The following SPSB1 variants were observed in gnomAD, a reference collection of about 807,000 sequenced individuals.
SPSB1 encodes the protein splA/ryanodine receptor domain and SOCS box containing 1.
SPSB1 carries 8 observed loss-of-function variants against 21.2 expected under a neutral mutation model. That is an observed-to-expected ratio of 0.38 (90% confidence interval 0.22 to 0.68). The LOEUF is 0.68. SPSB1 is among the 30% of genes least tolerant of loss of function. SPSB1 has a pLI of 0.53. For synonymous variants in SPSB1, 169 were observed against 161.7 expected, an observed-to-expected ratio of 1.05 and a Z score of -0.34; for missense variants, 242 against 377.8, an observed-to-expected ratio of 0.64 and a Z score of 2.98.
At chr1:9,329,883 C>T (rs1191302363) in intron 1 of SPSB1, among the ~76,000 whole-genome samples, 2 of 152,096 alleles carry the variant, frequency 1.3e-5, no homozygotes, top group Non-Finnish European at 2.9e-5. Flanking sequence ...CTTCTCAAAA[C>T]TTGGATACTA....
chr1:9,331,834 CT>C (rs1293092837), intron 1 of SPSB1, among the ~76,000 whole-genome samples: 1 of 152,182 alleles, frequency 6.6e-6, no homozygotes, highest in Admixed American at 6.6e-5. Context: ...TACTGCTTTT[CT>C]TTTATGTCCT....
At chr1:9,315,658 G>A (rs1420894728) in intron 1 of SPSB1, among the ~76,000 whole-genome samples, 3 of 152,240 alleles carry the variant, frequency 2.0e-5, no homozygotes, top group African/African-American at 4.8e-5. Context: ...GTGGGATGCA[G>A]CCTGGTTTCG....
rs1343227453 is a variant in SPSB1 at position 9,363,297 on chromosome 1, T to C, written c.695-4151T>C. Among the ~76,000 whole-genome samples, 1 of 152,134 alleles carries C rather than the reference T, an allele frequency of 6.6e-6. No individual in the cohort carries two copies. Among genetic ancestry groups the C allele is most frequent in the East Asian group, 1.9e-4 (1 of 5,198 alleles). ...CATTCACAGGATGCCTGGGTGACTC[T>C]GGTCCTATTTTCAGCTCATAACACA... On this transcript the variant is annotated intron_variant, in intron 2 of 2. Coordinates refer to ENST00000328089, the MANE Select transcript of SPSB1 (RefSeq NM_025106.4). This position sits in a 1 kb window ranked among gnomAD's most constrained non-coding sequence, Gnocchi z 4.5.
In SPSB1 at chr1:9,324,381, G is replaced by A; in HGVS notation, c.-150+31310G>A. ...AGTTCTGCTGCGATCCTGTGGCTCA[G>A]CACGTGGTAGGTCCTCAGTGAGGCT... is the stretch of plus-strand genomic sequence containing the variant. On this transcript the variant is annotated intron_variant, in intron 1 of 2. Coordinates refer to ENST00000328089, the MANE Select transcript of SPSB1 (RefSeq NM_025106.4). The surrounding 1 kb of genome is among the most constrained non-coding windows in gnomAD (Gnocchi z 4.3). 6.6e-6 allele frequency among the ~76,000 whole-genome samples: 1 copy of A among 152,172 alleles called. No individual in the cohort carries two copies. Among genetic ancestry groups the A allele is most frequent in the Non-Finnish European group, 1.5e-5 (1 of 68,026 alleles).
In SPSB1 at chr1:9,356,930, G is replaced by T. The variant is rs1479025523; in HGVS notation, c.694+345G>T. 6.6e-6 allele frequency among the ~76,000 whole-genome samples: 1 copy of T among 151,388 alleles called. No individual in the cohort carries two copies. Among genetic ancestry groups the T allele is most frequent in the East Asian group, 1.9e-4 (1 of 5,192 alleles). On this transcript the variant is annotated intron_variant, in intron 2 of 2. Transcript: ENST00000328089. This position sits in a 1 kb window ranked among gnomAD's most constrained non-coding sequence, Gnocchi z 7.4. ...GTGTATAATGAATTGATGGATGAATGTTTGGATTGATAGATAAGTGGTTGA... is the reference window on the plus strand; with the variant it reads ...GTGTATAATGAATTGATGGATGAATTTTTGGATTGATAGATAAGTGGTTGA...
chr1:9,334,954 G>A (rs1569617340), intron 1 of SPSB1, among the ~76,000 whole-genome samples: 1 of 152,174 alleles, frequency 6.6e-6, no homozygotes, highest in Admixed American at 6.5e-5. Flanking sequence ...GTCCGTGGAC[G>A]CGGGTTGCTT....
In SPSB1 at chr1:9,355,760, G is replaced by A. The variant is rs189680525; in HGVS notation, c.-132G>A. 6.8e-6 allele frequency: 10 copies of A among 1,475,438 alleles called. No individual in the cohort carries two copies. Among genetic ancestry groups the A allele is most frequent in the East Asian group, 2.3e-5 (1 of 42,742 alleles). The allele number at this position is 1,475,438 out of a possible 1,614,324, so 91.4% of individuals were successfully genotyped here. A position where few individuals can be genotyped will look rare whatever the true frequency, so the allele number is the denominator to read the frequency against. On this transcript the variant is annotated 5_prime_UTR_variant, in exon 2 of 3. Coordinates refer to ENST00000328089, the MANE Select transcript of SPSB1 (RefSeq NM_025106.4). ...TCCATTAGGCAATACTGAACACTGCGCAGCTTGCAGAGGTCTCCTGGCAGC... is the reference window on the plus strand; with the variant it reads ...TCCATTAGGCAATACTGAACACTGCACAGCTTGCAGAGGTCTCCTGGCAGC...
chr1:9,364,843 T>C (rs1445937672), intron 2 of SPSB1, among the ~76,000 whole-genome samples: 6 of 152,062 alleles, frequency 3.9e-5, no homozygotes, highest in Non-Finnish European at 5.9e-5. Context: ...GTTGTTGTTG[T>C]TGTCGTTGTT....
intron 1 of SPSB1, among the ~76,000 whole-genome samples, chr1:9,342,146 AG>A (rs1640101285): frequency 2.6e-5 from 4 of 152,350 alleles, no homozygotes; most frequent in Admixed American, 2.6e-4. Flanking sequence ...CTCAGAGCAC[AG>A]GCCTCAGATG....
intron 1 of SPSB1, among the ~76,000 whole-genome samples, chr1:9,301,518 T>C (rs1236724646): frequency 4.0e-5 from 6 of 149,852 alleles, no homozygotes; most frequent in African/African-American, 1.5e-4. Flanking sequence ...AAAAAGCAAT[T>C]GGGGGAAGAT....
rs770688591 is a variant in SPSB1, at chr1:9,356,575, C to T, written c.684C>T (p.Asn228=). ...GTGAGATCCGAATGCGCTACTTGAA[C>T]GGACTCGATCGTAAGTGTCTCCTCT... ...GHCEIRMRYL[N]GLDPEPLPLM... The change falls in exon 2 of 3, where the codon AAC becomes AAT. Residue 228 remains asparagine, a synonymous_variant. Coordinates refer to ENST00000328089, the MANE Select transcript of SPSB1 (RefSeq NM_025106.4). This position sits in a 1 kb window ranked among gnomAD's most constrained non-coding sequence, Gnocchi z 7.4. 7.6e-6 allele frequency: 12 copies of T among 1,587,910 alleles called. No homozygotes were observed. Among genetic ancestry groups the T allele is most frequent in the South Asian group, 3.4e-5 (3 of 87,774 alleles).
At chr1:9,351,976 G>T (rs374496306) in intron 1 of SPSB1, among the ~76,000 whole-genome samples, 24 of 152,280 alleles carry the variant, frequency 1.6e-4, no homozygotes, top group African/African-American at 5.8e-4. Context: ...CCTGCCCGGG[G>T]AAAACGCCCC....
chr1:9,311,834 T>C (rs888855572), intron 1 of SPSB1, among the ~76,000 whole-genome samples: 3 of 151,882 alleles, frequency 2.0e-5, no homozygotes, highest in African/African-American at 4.8e-5. Flanking sequence ...CCCTGGGGGG[T>C]ATGAATTTTC....
chr1:9,314,295 A>G (rs1639574536), intron 1 of SPSB1, among the ~76,000 whole-genome samples: 1 of 151,762 alleles, frequency 6.6e-6, no homozygotes, highest in South Asian at 2.1e-4. Flanking sequence ...GCCATGCCCC[A>G]CTGAATCCTT....
intron 1 of SPSB1, among the ~76,000 whole-genome samples, chr1:9,307,260 T>A (rs1285589657): frequency 6.6e-6 from 1 of 152,216 alleles, no homozygotes; most frequent in Admixed American, 6.5e-5. Context: ...ATTCACATAA[T>A]GTAAAATGAG....
In SPSB1 at chr1:9,317,158, G is replaced by T. The variant is rs768916017; in HGVS notation, c.-150+24087G>T. ...AGAAAGGTGCTTAGAGGCCAGCAAG[G>T]TTCTGGCCTTGGGGATCAGGGTTTA... On this transcript the variant is annotated intron_variant, in intron 1 of 2. Transcript: ENST00000328089. This position sits in a 1 kb window ranked among gnomAD's most constrained non-coding sequence, Gnocchi z 4.3. 3.3e-5 allele frequency among the ~76,000 whole-genome samples: 5 copies of T among 152,194 alleles called. No individual in the cohort carries two copies. The highest frequency in any genetic ancestry group is 4.8e-5 in the African/African-American group (2 of 41,442).
chr1:9,367,485 G>C lies in SPSB1; in HGVS notation c.732G>C (p.Ser244=). Residue 244 remains serine (S), a synonymous_variant, in exon 3 of 3, where the codon TCG becomes TCC. Transcript: ENST00000328089. The surrounding 1 kb of genome is among the most constrained non-coding windows in gnomAD (Gnocchi z 5.9). Reference sequence around the variant, plus strand: ...CGCTCATGGATTTGTGCCGTCGCTCGGTGCGCCTGGCCCTGGGGAGGGAGC... The same window carrying C: ...CGCTCATGGATTTGTGCCGTCGCTCCGTGCGCCTGGCCCTGGGGAGGGAGC... ...PLPLMDLCRR[S]VRLALGRERL... 1 of 1,613,564 alleles carries C rather than the reference G, an allele frequency of 6.2e-7. No individual in the cohort carries two copies. The highest frequency in any genetic ancestry group is 8.5e-7 in the Non-Finnish European group (1 of 1,179,908).
At chr1:9,315,516 C>T (rs1201794731) in intron 1 of SPSB1, among the ~76,000 whole-genome samples, 1 of 152,312 alleles carries the variant, frequency 6.6e-6, no homozygotes, top group South Asian at 2.1e-4. Context: ...AGTCACATGA[C>T]GGGGTGGGAG....
chr1:9,323,415 C>T (rs1178740748), intron 1 of SPSB1, among the ~76,000 whole-genome samples: 1 of 152,128 alleles, frequency 6.6e-6, no homozygotes, highest in Admixed American at 6.5e-5. Flanking sequence ...CCCTCGCGGC[C>T]CGTTGGCAGA....
Sources: gnomAD v4.1 joint callset for allele counts (sites outside exome capture counted in the v4.1 genomes callset) on GRCh38, gnomAD v4.1.1 for gene constraint, Gnocchi (gnomAD v3.1) non-coding constraint, MANE v1.5 for transcripts, NCBI Gene and HGNC (gene_info 2026-07-23, HGNC 2026-07-21) for gene names.